The following SEMA6D variants were observed in gnomAD, a reference collection of about 807,000 sequenced individuals.
The protein encoded by SEMA6D is semaphorin-6D.
A neutral mutation model predicts 106.6 loss-of-function variants in SEMA6D; 35 were observed. That is an observed-to-expected ratio of 0.33 (90% CI 0.25 to 0.44). SEMA6D has a LOEUF of 0.44. SEMA6D is among the 20% of genes least tolerant of loss of function. The pLI is 1.00. For missense variants in SEMA6D, 1,185 were observed against 1,345.9 expected, an observed-to-expected ratio of 0.88 and a Z score of 1.87; for synonymous variants, 499 against 487.7, an observed-to-expected ratio of 1.02 and a Z score of -0.31.
chr15:47,711,848 T>C (rs905692900), intron 4 of SEMA6D, among the ~76,000 whole-genome samples: 2 of 152,232 alleles, frequency 1.3e-5, no homozygotes, highest in African/African-American at 2.4e-5. Flanking sequence ...CTCTTTTCCT[T>C]AACCAGTAGG....
intron 4 of SEMA6D, among the ~76,000 whole-genome samples, chr15:47,635,221 C>T (rs917555975): frequency 1.3e-5 from 2 of 152,116 alleles, no homozygotes; most frequent in East Asian, 1.9e-4. Context: ...GGAATGTTTA[C>T]GCCACTGACT....
chr15:47,645,233 A>C (rs1050956393), intron 4 of SEMA6D, among the ~76,000 whole-genome samples: 19 of 152,290 alleles, frequency 1.2e-4, no homozygotes, highest in African/African-American at 4.6e-4. Context: ...TCTTTAAGGA[A>C]ACAGTCAAGT....
intron 1 of SEMA6D, among the ~76,000 whole-genome samples, chr15:47,321,051 T>G (rs1235831453): frequency 6.6e-6 from 1 of 152,214 alleles, no homozygotes; most frequent in African/African-American, 2.4e-5. Context: ...AAATATTTTT[T>G]CCCTCTATGT....
chr15:47,529,074 T>C (rs1480598210), intron 3 of SEMA6D, among the ~76,000 whole-genome samples: 10 of 150,826 alleles, frequency 6.6e-5, no homozygotes, highest in African/African-American at 2.5e-4. Context: ...TTAACACACA[T>C]GTTTATGTTA....
At chr15:47,733,243 C>T (rs970832719) in intron 1 of SEMA6D, among the ~76,000 whole-genome samples, 1 of 152,030 alleles carries the variant, frequency 6.6e-6, no homozygotes, top group East Asian at 1.9e-4. Context: ...CTAAGTGGAA[C>T]TCTTGGCCTG....
intron 4 of SEMA6D, among the ~76,000 whole-genome samples, chr15:47,698,566 A>G (rs1230280462): frequency 6.6e-6 from 1 of 152,206 alleles, no homozygotes; most frequent in Non-Finnish European, 1.5e-5. Context: ...ATGAAGAAAC[A>G]TTTATAAACT....
chr15:47,433,360 T>C (rs1360069045), intron 2 of SEMA6D, among the ~76,000 whole-genome samples: 1 of 151,824 alleles, frequency 6.6e-6, no homozygotes, highest in Non-Finnish European at 1.5e-5. Flanking sequence ...ATTAGACATA[T>C]ATCCAAGTAT....
At chr15:47,205,363 G>A (rs977054592) in intron 1 of SEMA6D, among the ~76,000 whole-genome samples, 3 of 152,004 alleles carry the variant, frequency 2.0e-5, no homozygotes, top group Admixed American at 6.6e-5. Context: ...GGTGTACTTC[G>A]TATAGCGAGG....
rs184596041 is a variant in SEMA6D, at chr15:47,568,288, C to T, written c.-86-32577C>T. Among the ~76,000 whole-genome samples the T allele has an allele frequency of 2.1e-3, 321 of 151,624 alleles. 1 individual carries two copies. The highest frequency in any genetic ancestry group is 7.6e-3 in the African/African-American group (315 of 41,314). ...AAACTATTTCAGTTATGGCTATGAT[C>T]ATCTTTGTAGCAATGTCTATAATAG... On this transcript the variant is annotated intron_variant, in intron 3 of 19. Coordinates refer to the SEMA6D transcript ENST00000558014.
intron 4 of SEMA6D, among the ~76,000 whole-genome samples, chr15:47,652,711 A>G (rs2077716705): frequency 6.6e-6 from 1 of 152,314 alleles, no homozygotes; most frequent in Middle Eastern, 3.4e-3. Context: ...GCCTGTCTCT[A>G]AAGAAAGCAA....
intron 2 of SEMA6D, among the ~76,000 whole-genome samples, chr15:47,440,053 G>A (rs1477889604): frequency 6.6e-6 from 1 of 152,140 alleles, no homozygotes; most frequent in African/African-American, 2.4e-5. Context: ...CATGCCGGAA[G>A]AGTTGAACTT....
chr15:47,358,690 G>A (rs2038686351), intron 1 of SEMA6D, among the ~76,000 whole-genome samples: 1 of 152,316 alleles, frequency 6.6e-6, no homozygotes, highest in East Asian at 1.9e-4. Context: ...ATGTGCTAAT[G>A]GGGCTGTGTC....
At chr15:47,296,013 A>G (rs1225101653) in intron 1 of SEMA6D, among the ~76,000 whole-genome samples, 3 of 152,188 alleles carry the variant, frequency 2.0e-5, no homozygotes, top group African/African-American at 7.2e-5. Flanking sequence ...TCTTGGGTAC[A>G]TTCACAGAAT....
chr15:47,287,790 C>T (rs1394062867), intron 1 of SEMA6D, among the ~76,000 whole-genome samples: 3 of 152,126 alleles, frequency 2.0e-5, no homozygotes, highest in African/African-American at 7.2e-5. Context: ...TTGGTTAGGC[C>T]ATTCTTGCAT....
chr15:47,760,722 G>A (rs537722083), intron 3 of SEMA6D, among the ~76,000 whole-genome samples: 82 of 152,086 alleles, frequency 5.4e-4, no homozygotes, highest in Non-Finnish European at 8.8e-4. Flanking sequence ...GCAAATATTA[G>A]AAATATGTCT....
intron 1 of SEMA6D, among the ~76,000 whole-genome samples, chr15:47,203,943 G>A (rs890804468): frequency 1.3e-5 from 2 of 152,108 alleles, no homozygotes; most frequent in African/African-American, 4.8e-5. Flanking sequence ...AATATCCATG[G>A]CATAGATAAT....
chr15:47,443,004 C>T (rs112555481), intron 2 of SEMA6D, among the ~76,000 whole-genome samples: 1 of 152,042 alleles, frequency 6.6e-6, no homozygotes, highest in Admixed American at 6.6e-5. Context: ...CTTCTCTAAC[C>T]AGGAGTAGTT....
chr15:47,445,057 T>C (rs888823794), intron 2 of SEMA6D, among the ~76,000 whole-genome samples: 1 of 152,082 alleles, frequency 6.6e-6, no homozygotes, highest in African/African-American at 2.4e-5. Flanking sequence ...GCAAACAATC[T>C]TCTCTCCAAT....
chr15:47,365,956 A>T (rs1945013137), intron 1 of SEMA6D, among the ~76,000 whole-genome samples: 1 of 151,204 alleles, frequency 6.6e-6, no homozygotes, highest in African/African-American at 2.4e-5. Context: ...GAAAGATAGA[A>T]AAGAAAGAAA....
Sources: gnomAD v4.1 joint callset for allele counts (sites outside exome capture counted in the v4.1 genomes callset) on GRCh38, gnomAD v4.1.1 for gene constraint, MANE v1.5 for transcripts, NCBI Gene and HGNC (gene_info 2026-07-23, HGNC 2026-07-21) for gene names.